Variants in SPEF2 observed in about 807,000 individuals in gnomAD.
SPEF2 encodes the protein sperm flagellar and cilia associated 2, also known as sperm flagella and cilia-associated protein 2.
In SPEF2, 187 loss-of-function variants were observed where a neutral mutation model predicts 224.6. The ratio of observed to expected loss-of-function variants is 0.83; its 90% CI spans 0.74 to 0.94. The LOEUF (loss-of-function observed/expected upper bound fraction) is 0.94, where lower values mean the gene tolerates loss of function less well. SPEF2 is among the 40% of genes least tolerant of loss of function. SPEF2 has a pLI of 0.00. For synonymous variants in SPEF2, 715 were observed against 707.3 expected (o/e 1.01, Z -0.17); for missense variants, 2,170 against 2,135.6 (o/e 1.02, Z -0.32).
In SPEF2 at chr5:35,667,064, C is replaced by A; in HGVS notation, c.1168-8C>A. 6.3e-7 allele frequency: 1 copy of A among 1,583,018 alleles called. No individual in the cohort carries two copies. Among genetic ancestry groups the A allele is most frequent in the South Asian group, 1.2e-5 (1 of 83,196 alleles). On this transcript the variant is annotated splice_polypyrimidine_tract_variant and splice_region_variant and intron_variant, in intron 8 of 36. Transcript: ENST00000356031. The stretch of plus-strand genomic sequence containing the variant: ...TAGTGACTTAAAAATATGTTTTTGC[C>A]TTTTTAGGCTTTGGCAAAACAAGCC...
intron 20 of SPEF2, among the ~76,000 whole-genome samples, chr5:35,713,680 G>C (rs1741685213): frequency 6.7e-6 from 1 of 148,802 alleles, no homozygotes; most frequent in Non-Finnish European, 1.5e-5. Context: ...GGAGGCTGCA[G>C]TGAGCCAAGA....
At chr5:35,756,924 C>G (rs1171814482) in intron 24 of SPEF2, among the ~76,000 whole-genome samples, 1 of 152,078 alleles carries the variant, frequency 6.6e-6, no homozygotes, top group African/African-American at 2.4e-5. Context: ...TCTTCCCCAA[C>G]AAGGTACTCA....
chr5:35,647,474 T>G (rs4703420), intron 5 of SPEF2, among the ~76,000 whole-genome samples: 91,892 of 151,688 alleles, frequency 0.61, 28,540 homozygotes, highest in East Asian at 0.74. Context: ...AAGGTGTCAG[T>G]CTCTTTTTAA....
intron 10 of SPEF2, 43 bp downstream of exon 10, chr5:35,670,270 C>A (rs751084140): frequency 2.6e-6 from 4 of 1,524,316 alleles, no homozygotes; most frequent in Admixed American, 4.6e-5. Context: ...CATAATAAAT[C>A]CTTTTTCTTT....
At chr5:35,670,352 CT>C in intron 10 of SPEF2, 125 bp downstream of exon 10, 1 of 1,420,844 alleles carries the variant, frequency 7.0e-7, no homozygotes, top group Non-Finnish European at 9.2e-7. Flanking sequence ...TGCATTTTCC[CT>C]TGTTTTAATT....
chr5:35,795,572 C>G, intron 32 of SPEF2, 131 bp from the exon 33 acceptor site: 1 of 625,310 alleles, frequency 1.6e-6, no homozygotes, highest in Non-Finnish European at 2.8e-6. Context: ...CTCCTACACC[C>G]CTGTGGTTTC....
At chr5:35,689,549 C>T (rs963852700) in intron 10 of SPEF2, among the ~76,000 whole-genome samples, 10 of 152,090 alleles carry the variant, frequency 6.6e-5, no homozygotes, top group African/African-American at 1.9e-4. Context: ...TTGTTCTCAT[C>T]GTTATGTCCA....
intron 10 of SPEF2, among the ~76,000 whole-genome samples, chr5:35,674,999 G>T (rs1194213774): frequency 1.3e-5 from 2 of 152,020 alleles, no homozygotes; most frequent in South Asian, 2.1e-4. Context: ...ATGAACCTGA[G>T]CATTAATTCT....
At chr5:35,785,058 G>A (rs953998407) in intron 30 of SPEF2, among the ~76,000 whole-genome samples, 2 of 152,324 alleles carry the variant, frequency 1.3e-5, no homozygotes, top group East Asian at 3.9e-4. Flanking sequence ...TCTGAAAATT[G>A]TCTAAGTTAG....
intron 29 of SPEF2, among the ~76,000 whole-genome samples, chr5:35,778,362 T>C (rs766302857): frequency 6.6e-6 from 1 of 152,170 alleles, no homozygotes; most frequent in Non-Finnish European, 1.5e-5. Flanking sequence ...AACCATAAGA[T>C]AGGGAGTGTT....
intron 7 of SPEF2, among the ~76,000 whole-genome samples, chr5:35,655,745 A>G (rs1178348837): frequency 1.3e-5 from 2 of 152,238 alleles, no homozygotes. Context: ...AAGTCATGCC[A>G]TCTGGCAGGA....
At chr5:35,790,038 C>T (rs1029377672) in intron 30 of SPEF2, 11 of 702,086 alleles carry the variant, frequency 1.6e-5, no homozygotes, top group Middle Eastern at 4.6e-4. Context: ...TCAGAACATT[C>T]GAAAATTGAC....
intron 15 of SPEF2, chr5:35,699,299 A>G (rs1369171070): frequency 1.3e-5 from 2 of 152,194 alleles, no homozygotes; most frequent in East Asian, 1.9e-4. Context: ...CCAAAGGCCA[A>G]AAACACAATT....
intron 34 of SPEF2, among the ~76,000 whole-genome samples, chr5:35,804,117 A>G (rs1757778329): frequency 6.6e-6 from 1 of 152,208 alleles, no homozygotes; most frequent in Admixed American, 6.5e-5. Context: ...GTAGAAACAC[A>G]TACATTTCTA....
At chr5:35,648,971 G>A (rs1429517886) in intron 5 of SPEF2, among the ~76,000 whole-genome samples, 2 of 149,248 alleles carry the variant, frequency 1.3e-5, no homozygotes, top group Non-Finnish European at 3.0e-5. Flanking sequence ...CCGAGATCGC[G>A]CCACTGCATT....
intron 23 of SPEF2, among the ~76,000 whole-genome samples, chr5:35,751,013 GTA>G (rs1240670506): frequency 1.1e-5 from 1 of 90,764 alleles, no homozygotes; most frequent in Admixed American, 1.2e-4. Flanking sequence ...ATATATATAC[GTA>G]TATATATACG....
intron 8 of SPEF2, among the ~76,000 whole-genome samples, chr5:35,661,258 AT>A (rs1749667959): frequency 1.3e-4 from 1 of 7,802 alleles, no homozygotes; most frequent in African/African-American, 1.1e-3. Flanking sequence ...TATATATTAT[AT>A]ATATATATAT....
rs1394330219 is a variant in SPEF2, at chr5:35,710,569, A to G, written c.2839+1448A>G. 3.0e-6 allele frequency: 3 copies of G among 984,936 alleles called. No individual in the cohort carries two copies. The African/African-American group carries it at 5.2e-5, about 17-fold the overall frequency. The allele number at this position is 984,936 out of a possible 1,614,324, so 61.0% of individuals were successfully genotyped here. A position where few individuals can be genotyped will look rare whatever the true frequency, so the allele number is the denominator to read the frequency against. Reference sequence around the variant, plus strand: ...GAAACTCTACCTCCAAAAAAAAGAAAAGAAAAATAACTGAGGAAGACAGTT... The same window carrying G: ...GAAACTCTACCTCCAAAAAAAAGAAGAGAAAAATAACTGAGGAAGACAGTT... On this transcript the variant is annotated intron_variant, in intron 19 of 36. Coordinates refer to ENST00000356031, the MANE Select transcript of SPEF2 (RefSeq NM_024867.4).
At chr5:35,763,477 G>C (rs990128285) in intron 25 of SPEF2, 45 bp from the exon 26 acceptor site, 5 of 1,494,264 alleles carry the variant, frequency 3.3e-6, no homozygotes, top group Non-Finnish European at 4.5e-6. Context: ...ACAGAATTTT[G>C]TTAAGCAAAA....
Sources: allele counts gnomAD v4.1 joint callset (sites outside exome capture counted in the v4.1 genomes callset), GRCh38; gene constraint gnomAD v4.1.1; transcripts MANE v1.5; gene names NCBI Gene and HGNC (gene_info 2026-07-23, HGNC 2026-07-21).